EYS: variants seen among roughly 807,000 people sequenced by gnomAD.
The protein encoded by EYS is protein eyes shut homolog.
Under a neutral mutation model 282.1 loss-of-function variants are expected in EYS, and 250 were observed. The observed-to-expected ratio is 0.89, with a 90% CI of 0.80 to 0.98. The LOEUF (loss-of-function observed/expected upper bound fraction) is 0.98. EYS is among the 50% of genes least tolerant of loss of function. The pLI, the probability that EYS is intolerant of heterozygous loss-of-function variation, is 0.00. For synonymous variants in EYS, 1,355 were observed against 1,282.9 expected (o/e 1.06, Z -1.20); for missense variants, 4,016 against 3,709.0 (o/e 1.08, Z -2.15).
At position 64,886,700 on chromosome 6, in the gene EYS, T is replaced by C. The variant is rs1184537358; in HGVS notation, c.2989A>G (p.Thr997Ala). The change falls in exon 19 of 43, where the codon ACA becomes GCA. Residue 997 changes from threonine (T) to alanine (A), a missense_variant. Thr to Ala is a moderately conservative substitution (Grantham distance 58, BLOSUM62 0). Transcript: ENST00000503581. Reference protein sequence around the residue: ...GYNCLCAPGYTGINCEINLDE... With the variant: ...GYNCLCAPGYAGINCEINLDE... ...CATGGGACAGATATGGATTTACCTG[T>C]ATAACCAGGGGCACAGAGGCAGTTG... 1.3e-6 allele frequency: 2 copies of C among 1,544,200 alleles called. No homozygotes were observed. The highest frequency in any genetic ancestry group is 2.0e-5 in the Admixed American group (1 of 50,124).
chr6:65,492,518 A>T (rs1419885523), intron 4 of EYS, among the ~76,000 whole-genome samples: 2 of 152,200 alleles, frequency 1.3e-5, no homozygotes, highest in Non-Finnish European at 2.9e-5. Context: ...ATTCTGACAC[A>T]TGGTAGAAAT....
At chr6:64,149,491 C>T (rs552827957) in intron 31 of EYS, among the ~76,000 whole-genome samples, 31 of 152,158 alleles carry the variant, frequency 2.0e-4, no homozygotes, top group African/African-American at 5.8e-4. Context: ...GAAGATTTTG[C>T]GAGGATAGGA....
intron 12 of EYS, among the ~76,000 whole-genome samples, chr6:65,264,819 C>T (rs1582078995): frequency 2.0e-5 from 3 of 151,646 alleles, no homozygotes; most frequent in East Asian, 3.9e-4. Context: ...AATATTCTCA[C>T]AACATTCTAA....
At chr6:65,075,747 T>C (rs993324794) in intron 12 of EYS, among the ~76,000 whole-genome samples, 2 of 151,874 alleles carry the variant, frequency 1.3e-5, no homozygotes, top group Non-Finnish European at 2.9e-5. Flanking sequence ...CTAATATTTC[T>C]AAGGAGAATT....
chr6:64,614,499 A>C (rs978396481), intron 24 of EYS, among the ~76,000 whole-genome samples: 6 of 152,134 alleles, frequency 3.9e-5, no homozygotes, highest in African/African-American at 1.4e-4. Flanking sequence ...TGTGACTAAT[A>C]TGCTATGAGC....
In EYS at chr6:64,437,234, G is replaced by GA. The variant is rs139983053; in HGVS notation, c.5836-970dup. On this transcript the variant is annotated intron_variant, in intron 27 of 42. Coordinates refer to ENST00000503581, the MANE Select transcript of EYS (RefSeq NM_001142800.2). ...AGGATTGTAGGTGAAAATATTTTAT[G>GA]AAATAATGTATTATTAAGACTAATG... 5.6e-4 allele frequency among the ~76,000 whole-genome samples: 85 copies of GA among 151,626 alleles called. 1 individual carries two copies. The East Asian group carries it at 0.016, about 29-fold the overall frequency.
chr6:64,754,152 T>C (rs1185274390), intron 22 of EYS, among the ~76,000 whole-genome samples: 2 of 151,978 alleles, frequency 1.3e-5, no homozygotes, highest in African/African-American at 4.8e-5. Context: ...ATCAAAAAGA[T>C]ACAAAGTTCA....
chr6:64,873,090 G>A (rs1002494297), intron 19 of EYS, among the ~76,000 whole-genome samples: 1 of 152,034 alleles, frequency 6.6e-6, no homozygotes, highest in Non-Finnish European at 1.5e-5. Context: ...AGACACATCT[G>A]AGAATGAATG....
intron 2 of EYS, among the ~76,000 whole-genome samples, chr6:65,502,986 C>T (rs560898006): frequency 4.0e-5 from 6 of 151,684 alleles, no homozygotes; most frequent in African/African-American, 1.4e-4. Context: ...GCCTCCATTG[C>T]CATACTAATT....
At chr6:64,792,916 CT>C (rs1260171259) in intron 22 of EYS, among the ~76,000 whole-genome samples, 2 of 132,238 alleles carry the variant, frequency 1.5e-5, no homozygotes, top group African/African-American at 5.0e-5. Context: ...GTAATTATAA[CT>C]TTAATTGTTA....
intron 12 of EYS, among the ~76,000 whole-genome samples, chr6:65,142,677 A>G (rs1464086546): frequency 6.6e-6 from 1 of 151,910 alleles, no homozygotes; most frequent in Non-Finnish European, 1.5e-5. Context: ...AAAACTAATA[A>G]AGGACATTAG....
chr6:64,899,391 AG>A (rs575414941), intron 18 of EYS, among the ~76,000 whole-genome samples: 15 of 152,144 alleles, frequency 9.9e-5, no homozygotes, highest in Admixed American at 9.2e-4. Context: ...AAAGAAATAA[AG>A]GGTATTCAAA....
chr6:64,856,461 T>C (rs967975943), intron 19 of EYS, among the ~76,000 whole-genome samples: 3 of 152,020 alleles, frequency 2.0e-5, no homozygotes, highest in African/African-American at 7.2e-5. Context: ...CCACCATGCC[T>C]GGGTAATTTT....
intron 11 of EYS, among the ~76,000 whole-genome samples, chr6:65,333,688 T>C (rs546506978): frequency 6.6e-6 from 1 of 151,676 alleles, no homozygotes; most frequent in African/African-American, 2.4e-5. Context: ...AATTATTTTT[T>C]AGCTTCATTA....
Position 65,161,846 on chromosome 6 carries a change from G to A in EYS, c.2024-104119C>T, listed in dbSNP as rs116794204. 3.6e-3 allele frequency among the ~76,000 whole-genome samples: 538 copies of A among 151,220 alleles called. 6 individuals are homozygous for A. The highest frequency in any genetic ancestry group is 7.1e-3 in the Admixed American group (107 of 15,102). ...ATCTCAGTATCCTTTATTTATGCCT[G>A]AGTATACTTGCCAACAAAATTAGGT... On this transcript the variant is annotated intron_variant, in intron 12 of 42. Transcript: ENST00000503581.
intron 41 of EYS, among the ~76,000 whole-genome samples, chr6:63,753,755 A>G (rs555166242): frequency 3.0e-4 from 45 of 152,306 alleles, no homozygotes; most frequent in South Asian, 1.2e-3. Flanking sequence ...GAGCTAAACC[A>G]TATCATCTTT....
chr6:63,999,100 T>C lies in EYS; in HGVS notation c.6809A>G (p.Asp2270Gly), dbSNP rs1241843947. 1.9e-6 allele frequency: 3 copies of C among 1,551,464 alleles called. No homozygotes were observed. The highest frequency in any genetic ancestry group is 1.4e-5 in the African/African-American group (1 of 73,042). The stretch of plus-strand genomic sequence containing the variant: ...CTGAGAGGCATGGGAAATCTCTGTG[T>C]CTTTCTTCTGTACTGGAGGTTTTCC... ...ADGKPPVQKKDTEISHASQAY... is the reference protein window; with the variant it reads ...ADGKPPVQKKGTEISHASQAY... The change falls in exon 34 of 43, where the codon GAC becomes GGC. Residue 2270 changes from aspartate to glycine, a missense_variant. Physicochemically the swap from Asp to Gly is moderately conservative, Grantham distance 94 (BLOSUM62 -1). Transcript: ENST00000503581.
At chr6:65,530,734 T>C (rs944914647) in intron 2 of EYS, among the ~76,000 whole-genome samples, 7 of 152,144 alleles carry the variant, frequency 4.6e-5, no homozygotes, top group Non-Finnish European at 8.8e-5. Flanking sequence ...TGAAAGGGAA[T>C]GTGGAAAGAC....
intron 41 of EYS, among the ~76,000 whole-genome samples, chr6:63,738,517 C>T (rs1360932875): frequency 7.1e-6 from 1 of 141,504 alleles, no homozygotes; most frequent in African/African-American, 2.7e-5. Flanking sequence ...TATTCTCACT[C>T]ATAGGTGGGG....
Sources: gnomAD v4.1 joint callset for allele counts (sites outside exome capture counted in the v4.1 genomes callset) on GRCh38, gnomAD v4.1.1 for gene constraint, MANE v1.5 for transcripts, NCBI Gene and HGNC (gene_info 2026-07-23, HGNC 2026-07-21) for gene names.